The following RAB6B variants were observed in gnomAD, a reference collection of about 807,000 sequenced individuals.
RAB6B encodes RAB6B, member RAS oncogene family, also known as ras-related protein Rab-6B.
In RAB6B, 7 loss-of-function variants were observed where a neutral mutation model predicts 31.2. That is an observed-to-expected ratio of 0.22 (90% confidence interval 0.13 to 0.42). The LOEUF (loss-of-function observed/expected upper bound fraction) is 0.42, where lower values mean the gene tolerates loss of function less well. Among genes scored for constraint, RAB6B ranks in the 10% least tolerant of loss-of-function variants. The pLI is 1.00. For missense variants in RAB6B, 149 were observed against 280.6 expected, an observed-to-expected ratio of 0.53 and a Z score of 3.35; for synonymous variants, 105 against 104.9, an observed-to-expected ratio of 1.00 and a Z score of -0.01.
At position 133,895,337 on chromosome 3, in the gene RAB6B, G is replaced by A. The variant is rs1936693656; in HGVS notation, c.70+60C>T. 12 of 1,552,162 alleles carry A rather than the reference G, an allele frequency of 7.7e-6. No homozygotes were observed. The Admixed American group carries it at 1.9e-4, about 24-fold the overall frequency. Reference sequence around the variant, plus strand: ...CTGGGCCGGGGGTCCCAATGGGGTGGGCGATTGGGCGGCGGGGGTCGACTC... The same window carrying A: ...CTGGGCCGGGGGTCCCAATGGGGTGAGCGATTGGGCGGCGGGGGTCGACTC... On this transcript the variant is annotated intron_variant, in intron 1 of 7. Coordinates refer to ENST00000285208, the MANE Select transcript of RAB6B (RefSeq NM_016577.4).
At chr3:133,850,416 T>C (rs1323738823) in intron 2 of RAB6B, among the ~76,000 whole-genome samples, 2 of 152,168 alleles carry the variant, frequency 1.3e-5, no homozygotes, top group African/African-American at 2.4e-5. Context: ...CATTTAAAAA[T>C]AGTTCATATA....
In RAB6B at chr3:133,826,653, G is replaced by A. The variant is rs1358853316; in HGVS notation, c.*2135C>T. On this transcript the variant is annotated 3_prime_UTR_variant, in exon 8 of 8. Transcript: ENST00000285208. Reference sequence around the variant, plus strand: ...CTGGCCCACACAGGCATGCACACCCGTGCATATAAAGTACATAGAGAAATG... The same window carrying A: ...CTGGCCCACACAGGCATGCACACCCATGCATATAAAGTACATAGAGAAATG... 1 of 152,690 alleles carries A rather than the reference G, an allele frequency of 6.5e-6. No individual in the cohort carries two copies. Among genetic ancestry groups the A allele is most frequent in the South Asian group, 2.1e-4 (1 of 4,836 alleles). 9.5% of individuals were successfully genotyped at this position (152,690 alleles called of 1,614,324 possible).
In RAB6B at chr3:133,893,144, T is replaced by C. The variant is rs551193250; in HGVS notation, c.70+2253A>G. Among the ~76,000 whole-genome samples, 15 of 152,326 alleles carry C rather than the reference T, an allele frequency of 9.8e-5. No individual in the cohort carries two copies. The South Asian group carries it at 1.7e-3, about 17-fold the overall frequency. ...CTCCTTACCAACTACTCAGCATTCC[T>C]ACCAGTCACAAGCCCCAACTATAAG... On this transcript the variant is annotated intron_variant, in intron 1 of 7. Transcript: ENST00000285208.
At chr3:133,891,099 G>A (rs780601601) in intron 1 of RAB6B, among the ~76,000 whole-genome samples, 3 of 152,172 alleles carry the variant, frequency 2.0e-5, no homozygotes, top group Non-Finnish European at 4.4e-5. Flanking sequence ...CCTGCAGGAG[G>A]GCAGGTGTTC....
chr3:133,828,106 T>G lies in RAB6B; in HGVS notation c.*682A>C. 4.7e-6 allele frequency: 3 copies of G among 638,440 alleles called. No homozygotes were observed. The allele number at this position is 638,440 out of a possible 1,614,324, so 39.5% of individuals were successfully genotyped here. ...GAAAGAGAAGGAGAGGTGGGAGCAG[T>G]TCCTCTGGGGGCTGCTGCCGGGCTG... On this transcript the variant is annotated 3_prime_UTR_variant, in exon 8 of 8. Coordinates refer to ENST00000285208, the MANE Select transcript of RAB6B (RefSeq NM_016577.4).
chr3:133,861,731 G>C (rs1474918588), intron 2 of RAB6B, among the ~76,000 whole-genome samples: 1 of 152,246 alleles, frequency 6.6e-6, no homozygotes, highest in Non-Finnish European at 1.5e-5. Context: ...GAGGGGAGTA[G>C]TGGGGCCAGA....
chr3:133,891,009 A>T (rs975739865), intron 1 of RAB6B, among the ~76,000 whole-genome samples: 1 of 152,210 alleles, frequency 6.6e-6, no homozygotes, highest in African/African-American at 2.4e-5. Flanking sequence ...ACCTAAGAGC[A>T]GGTAAGTCTG....
chr3:133,888,780 T>G (rs1936589505), intron 1 of RAB6B, among the ~76,000 whole-genome samples: 2 of 152,158 alleles, frequency 1.3e-5, no homozygotes, highest in South Asian at 4.1e-4. Flanking sequence ...TAGGAGTCCT[T>G]AAGAGTTGTG....
intron 1 of RAB6B, among the ~76,000 whole-genome samples, chr3:133,891,895 G>A (rs1936642775): frequency 6.6e-6 from 1 of 152,220 alleles, no homozygotes; most frequent in Non-Finnish European, 1.5e-5. Context: ...AAAGCAGACA[G>A]AGCTTTTGCG....
chr3:133,833,844 T>A (rs1327414074), intron 7 of RAB6B, among the ~76,000 whole-genome samples: 2 of 152,188 alleles, frequency 1.3e-5, no homozygotes, highest in African/African-American at 2.4e-5. Context: ...GGCCCAGGTG[T>A]GGGCAATGGC....
chr3:133,851,119 A>C (rs1427062711), intron 2 of RAB6B, among the ~76,000 whole-genome samples: 3 of 152,186 alleles, frequency 2.0e-5, no homozygotes, highest in African/African-American at 7.2e-5. Context: ...AAAAACAAAG[A>C]GAATTTGTGG....
chr3:133,863,945 C>A (rs1290238629), intron 2 of RAB6B, among the ~76,000 whole-genome samples: 1 of 152,172 alleles, frequency 6.6e-6, no homozygotes, highest in Non-Finnish European at 1.5e-5. Flanking sequence ...TGTTATTAAC[C>A]CCCAAGAACT....
chr3:133,863,424 T>C (rs973945032), intron 2 of RAB6B, among the ~76,000 whole-genome samples: 1 of 152,184 alleles, frequency 6.6e-6, no homozygotes, highest in African/African-American at 2.4e-5. Flanking sequence ...CTCCACATAC[T>C]CTGTAAATCC....
Position 133,879,125 on chromosome 3 carries a change from G to A in RAB6B, c.71-14483C>T, listed in dbSNP as rs190601190. On this transcript the variant is annotated intron_variant, in intron 1 of 7. Transcript: ENST00000285208. ...TAAGGACAAAAATGCCTATCTCACA[G>A]AATTGTTATGAATTCTATGAAAGCA... Among the ~76,000 whole-genome samples the A allele has an allele frequency of 2.6e-5, 4 of 152,288 alleles. No individual in the cohort carries two copies. The East Asian group carries it at 7.7e-4, about 29-fold the overall frequency.
In RAB6B at chr3:133,883,785, A is replaced by T. The variant is rs147122587; in HGVS notation, c.70+11612T>A. ...TCTCAGAATTAGCACAGCCACTCCC[A>T]GAGAGAAAGGTTTTCCTTATCTCTA... On this transcript the variant is annotated intron_variant, in intron 1 of 7. Transcript: ENST00000285208. Among the ~76,000 whole-genome samples, 296 of 152,350 alleles carry T rather than the reference A, an allele frequency of 1.9e-3. 2 individuals are homozygous for T. Among genetic ancestry groups the T allele is most frequent in the African/African-American group, 6.9e-3 (289 of 41,592 alleles).
At chr3:133,864,753 C>T (rs1468801836) in intron 1 of RAB6B, 111 bp from the exon 2 acceptor site, 2 of 1,073,466 alleles carry the variant, frequency 1.9e-6, no homozygotes, top group East Asian at 2.4e-5. Context: ...AGGGGAAAGG[C>T]CGAGTTGCAG....
At position 133,828,513 on chromosome 3, in the gene RAB6B, A is replaced by T. The variant is rs867553368; in HGVS notation, c.*275T>A. ...AAAAAATTGTATACACATGATTTAA[A>T]TTTTTTTTAAATTTTAACAGTTTTT... is the stretch of plus-strand genomic sequence containing the variant. On this transcript the variant is annotated 3_prime_UTR_variant, in exon 8 of 8. Transcript: ENST00000285208. 3 of 478,812 alleles carry T rather than the reference A, an allele frequency of 6.3e-6. No homozygotes were observed. The highest frequency in any genetic ancestry group is 4.0e-5 in the African/African-American group (2 of 49,676). The allele number at this position is 478,812 out of a possible 1,614,324, so 29.7% of individuals were successfully genotyped here.
chr3:133,890,429 A>AC (rs1576412530), intron 1 of RAB6B, among the ~76,000 whole-genome samples: 2 of 152,144 alleles, frequency 1.3e-5, no homozygotes, highest in East Asian at 1.9e-4. Flanking sequence ...ACATAGTGAA[A>AC]CCCCATCTCT....
At chr3:133,885,188 C>A (rs1475452458) in intron 1 of RAB6B, among the ~76,000 whole-genome samples, 1 of 145,756 alleles carries the variant, frequency 6.9e-6, no homozygotes, top group Non-Finnish European at 1.5e-5. Context: ...GGACAAGGGG[C>A]TCACACATCC....
Sources: allele counts gnomAD v4.1 joint callset (sites outside exome capture counted in the v4.1 genomes callset), GRCh38; gene constraint gnomAD v4.1.1; transcripts MANE v1.5; gene names NCBI Gene and HGNC (gene_info 2026-07-23, HGNC 2026-07-21).